Variants in TMEM266 observed in about 807,000 individuals in gnomAD.
The protein encoded by TMEM266 is transmembrane protein 266.
Under a neutral mutation model 50.5 loss-of-function variants are expected in TMEM266, and 33 were observed. That is an observed-to-expected ratio of 0.65 (90% CI 0.50 to 0.87). The LOEUF (loss-of-function observed/expected upper bound fraction) is 0.87. Among genes scored for constraint, TMEM266 ranks in the 40% least tolerant of loss-of-function variants. The pLI is 0.00. For missense variants in TMEM266, 655 were observed against 695.1 expected (o/e 0.94, Z 0.65); for synonymous variants, 310 against 292.3 (o/e 1.06, Z -0.62).
intron 4 of TMEM266, among the ~76,000 whole-genome samples, chr15:76,158,981 G>A (rs1174374848): frequency 6.6e-6 from 1 of 152,038 alleles, no homozygotes; most frequent in African/African-American, 2.4e-5. Context: ...TTTCAGTCTG[G>A]CCCTCCCTGC....
At chr15:76,172,776 C>T (rs931206166) in intron 7 of TMEM266, among the ~76,000 whole-genome samples, 2 of 152,146 alleles carry the variant, frequency 1.3e-5, no homozygotes, top group Non-Finnish European at 2.9e-5. Flanking sequence ...GCCTAAGACC[C>T]CTGACACCCA....
At chr15:76,122,506 C>A (rs904284) in intron 1 of TMEM266, among the ~76,000 whole-genome samples, 10,830 of 152,210 alleles carry the variant, frequency 0.071, 1,253 homozygotes, top group African/African-American at 0.24. Context: ...GTAGTATTCA[C>A]TGGCAAAGTT....
rs114849949 is a variant in TMEM266, at chr15:76,086,861, T to G, written c.-97+26845T>G. ...CTTGGCCCATAACCAGCCTGATTGT[T>G]TGCAGGAGGGGACCAATCAGAGGTA... On this transcript the variant is annotated intron_variant, in intron 1 of 10. Transcript: ENST00000388942. Among the ~76,000 whole-genome samples the G allele has an allele frequency of 9.8e-3, 1,480 of 151,300 alleles. 17 individuals are homozygous for G. The highest frequency in any genetic ancestry group is 0.034 in the African/African-American group (1,397 of 40,916).
rs2038007135 is a variant in TMEM266, at chr15:76,160,802, G to A, written c.456+634G>A. Among the ~76,000 whole-genome samples the A allele has an allele frequency of 6.6e-6, 1 of 152,154 alleles. No homozygotes were observed. The highest frequency in any genetic ancestry group is 1.5e-5 in the Non-Finnish European group (1 of 68,034). ...TGGAGTCGGCTAGTAGAGACCAAGT[G>A]CGAATCTCTGTGGTGAGGGGAGGGG... On this transcript the variant is annotated intron_variant, in intron 5 of 10. Coordinates refer to ENST00000388942, the MANE Select transcript of TMEM266 (RefSeq NM_152335.3). The surrounding 1 kb of genome is among the most constrained non-coding windows in gnomAD (Gnocchi z 5.7).
intron 1 of TMEM266, among the ~76,000 whole-genome samples, chr15:76,083,958 G>A (rs962427391): frequency 5.9e-5 from 9 of 152,126 alleles, no homozygotes; most frequent in Non-Finnish European, 1.2e-4. Context: ...TGTTATTGGA[G>A]CACACATTGT....
intron 5 of TMEM266, among the ~76,000 whole-genome samples, chr15:76,164,160 G>T (rs140202649): frequency 8.5e-4 from 130 of 152,124 alleles, no homozygotes; most frequent in African/African-American, 2.8e-3. Flanking sequence ...TTGTGACTGC[G>T]GCTTTTAGCA....
At chr15:76,163,485 C>T (rs1024898206) in intron 5 of TMEM266, among the ~76,000 whole-genome samples, 3 of 152,202 alleles carry the variant, frequency 2.0e-5, no homozygotes, top group Non-Finnish European at 2.9e-5. Context: ...TCTTCCAGGT[C>T]ACGCAGGGTC....
intron 1 of TMEM266, among the ~76,000 whole-genome samples, chr15:76,105,281 C>T (rs2037063924): frequency 1.3e-5 from 2 of 152,112 alleles, no homozygotes; most frequent in South Asian, 4.1e-4. Flanking sequence ...TTTTATTCCA[C>T]TTCACTACCC....
intron 1 of TMEM266, among the ~76,000 whole-genome samples, chr15:76,088,159 C>G (rs1043543075): frequency 5.3e-5 from 8 of 152,208 alleles, no homozygotes; most frequent in Non-Finnish European, 7.3e-5. Flanking sequence ...GAAGTGTCTT[C>G]TAGTGGTTAG....
At chr15:76,137,536 C>T (rs1468392609) in intron 2 of TMEM266, among the ~76,000 whole-genome samples, 171 bp from the exon 3 acceptor site, 1 of 152,186 alleles carries the variant, frequency 6.6e-6, no homozygotes, top group Non-Finnish European at 1.5e-5. Flanking sequence ...ACTGTTAGGG[C>T]CTCAGTCCAG....
chr15:76,197,604 C>G (rs576185115), intron 9 of TMEM266, among the ~76,000 whole-genome samples: 33 of 152,364 alleles, frequency 2.2e-4, no homozygotes, highest in Non-Finnish European at 3.1e-4. Flanking sequence ...AGCTCTCATC[C>G]CTTGTATACA....
intron 5 of TMEM266, among the ~76,000 whole-genome samples, chr15:76,169,046 A>T (rs1024694646): frequency 6.6e-6 from 1 of 152,170 alleles, no homozygotes; most frequent in African/African-American, 2.4e-5. Flanking sequence ...GTTGTTGGGG[A>T]CCCAGCAGGC....
intron 1 of TMEM266, among the ~76,000 whole-genome samples, chr15:76,078,156 TG>T (rs1490596623): frequency 2.0e-5 from 3 of 152,066 alleles, no homozygotes; most frequent in Admixed American, 2.0e-4. Flanking sequence ...CTGAACTTTG[TG>T]GTGCTGGAGA....
chr15:76,127,512 A>G (rs1204045179), intron 1 of TMEM266, among the ~76,000 whole-genome samples: 1 of 152,016 alleles, frequency 6.6e-6, no homozygotes, highest in African/African-American at 2.4e-5. Context: ...TTTTTAGTAG[A>G]GATGAGGTTT....
In TMEM266 at chr15:76,120,482, C is replaced by T. The variant is rs968067458; in HGVS notation, c.-96-13686C>T. Among the ~76,000 whole-genome samples, 6 of 151,824 alleles carry T rather than the reference C, an allele frequency of 4.0e-5. 1 individual carries two copies. The highest frequency in any genetic ancestry group is 2.6e-4 in the Admixed American group (4 of 15,252). On this transcript the variant is annotated intron_variant, in intron 1 of 10. Coordinates refer to ENST00000388942, the MANE Select transcript of TMEM266 (RefSeq NM_152335.3). ...CAAAGAAAAGTAAGGAAAGATAGGCCGGGTGCGGTGGCTCACGCCCATAAT... is the reference window on the plus strand; with the variant it reads ...CAAAGAAAAGTAAGGAAAGATAGGCTGGGTGCGGTGGCTCACGCCCATAAT...
chr15:76,069,806 A>C (rs1268076372), intron 1 of TMEM266, among the ~76,000 whole-genome samples: 2 of 151,660 alleles, frequency 1.3e-5, no homozygotes, highest in Non-Finnish European at 2.9e-5. Context: ...CAGCCGAGTG[A>C]GGCTCTGTCT....
chr15:76,132,817 A>ATTC (rs1217696272), intron 1 of TMEM266, among the ~76,000 whole-genome samples: 1 of 75,896 alleles, frequency 1.3e-5, no homozygotes, highest in Non-Finnish European at 2.3e-5. Flanking sequence ...AATAGTAATT[A>ATTC]TTATTATTAT....
rs763813971 is a variant in TMEM266 at position 76,137,723 on chromosome 15, GGAATTTCT to G, written c.59_66del (p.Ile20SerfsTer2). 6 of 1,614,186 alleles carry G rather than the reference GGAATTTCT, an allele frequency of 3.7e-6. No homozygotes were observed. Among genetic ancestry groups the G allele is most frequent in the Non-Finnish European group, 5.1e-6 (6 of 1,180,028 alleles). ...CCAACCCAGGCCTGCCATAGAAGGA[GGAATTTCT>G]GAAGTTGAGATCATCTCCCAACAAG... On this transcript the variant is annotated frameshift_variant, in exon 3 of 11. Transcript: ENST00000388942. LOFTEE classifies it high-confidence loss of function.
At chr15:76,124,643 T>A (rs1329932575) in intron 1 of TMEM266, among the ~76,000 whole-genome samples, 1 of 151,872 alleles carries the variant, frequency 6.6e-6, no homozygotes, top group African/African-American at 2.4e-5. Flanking sequence ...CTAAAAAAAA[T>A]TCAAAATTAT....
Sources: allele counts gnomAD v4.1 joint callset (sites outside exome capture counted in the v4.1 genomes callset), GRCh38; gene constraint gnomAD v4.1.1; non-coding constraint Gnocchi (gnomAD v3.1); transcripts MANE v1.5; gene names NCBI Gene and HGNC (gene_info 2026-07-23, HGNC 2026-07-21).